ZMYM1: variants seen among roughly 807,000 people sequenced by gnomAD.
ZMYM1 encodes the protein zinc finger MYM-type containing 1, also known as zinc finger MYM-type protein 1.
In ZMYM1, 39 loss-of-function variants were observed where a neutral mutation model predicts 60.0. That is an observed-to-expected ratio of 0.65 (90% CI 0.50 to 0.85). The LOEUF is 0.85. ZMYM1 is among the 40% of genes least tolerant of loss of function. The pLI is 0.00. For missense variants in ZMYM1, 1,171 were observed against 1,309.5 expected (o/e 0.89, Z 1.63); for synonymous variants, 413 against 454.0 (o/e 0.91, Z 1.15).
chr1:35,093,985 A>G lies in ZMYM1; in HGVS notation c.-3A>G, dbSNP rs1380290991. On this transcript the variant is annotated 5_prime_UTR_variant, in exon 2 of 10. Coordinates refer to ENST00000359858, the MANE Select transcript of ZMYM1 (RefSeq NM_024772.5). Reference sequence around the variant, plus strand: ...GGAGAATTCCTTTGCATCAGATACTAAAATGAAAGAACCACTTTTAGGTGG... The same window carrying G: ...GGAGAATTCCTTTGCATCAGATACTGAAATGAAAGAACCACTTTTAGGTGG... 1 of 1,593,190 alleles carries G rather than the reference A, an allele frequency of 6.3e-7. No individual in the cohort carries two copies. Among genetic ancestry groups the G allele is most frequent in the Non-Finnish European group, 8.5e-7 (1 of 1,170,354 alleles).
At chr1:35,093,698 T>C (rs1258550590) in intron 1 of ZMYM1, among the ~76,000 whole-genome samples, 2 of 152,166 alleles carry the variant, frequency 1.3e-5, no homozygotes, top group Non-Finnish European at 2.9e-5. Flanking sequence ...ACGGAGACTA[T>C]TTCCAGAAGA....
rs1553141758 is a variant in ZMYM1, at chr1:35,097,295, T to C, written c.170-22T>C. 3.2e-6 allele frequency: 5 copies of C among 1,550,386 alleles called. No individual in the cohort carries two copies. In the South Asian group the frequency reaches 3.7e-5, roughly 12 times the overall value. On this transcript the variant is annotated intron_variant, in intron 3 of 9. Coordinates refer to ENST00000359858, the MANE Select transcript of ZMYM1 (RefSeq NM_024772.5). Reference sequence around the variant, plus strand: ...TTTTGTGTAAATAACAATTTTTTTTTCTCCCTCTTGTGTTTTTATAGCTTC... The same window carrying C: ...TTTTGTGTAAATAACAATTTTTTTTCCTCCCTCTTGTGTTTTTATAGCTTC...
At chr1:35,064,779 C>T (rs996751639) in intron 1 of ZMYM1, among the ~76,000 whole-genome samples, 6 of 150,346 alleles carry the variant, frequency 4.0e-5, no homozygotes, top group African/African-American at 1.2e-4. Flanking sequence ...CTCCACCTCC[C>T]GGGTTCACGC....
upstream of ZMYM1, among the ~76,000 whole-genome samples, chr1:35,075,590 T>C (rs139241806): frequency 0.02 from 2,978 of 152,172 alleles, 160 homozygotes; most frequent in Admixed American, 0.11. Context: ...TTGTAGAGGC[T>C]GCCCCCTTGC....
chr1:35,104,872 G>A (rs369980694), intron 6 of ZMYM1, 103 bp downstream of exon 6: 32 of 863,132 alleles, frequency 3.7e-5, no homozygotes, highest in East Asian at 2.9e-4. Context: ...GAATAATGTC[G>A]ATAAGTTGAT....
rs759958889 is a variant in ZMYM1, at chr1:35,073,338, A to AAAGAAAGGAAGGAAGG, written c.-300-5653_-300-5652insAAAGGAAGGAAGGAAG. ...GAAAAAAAGAAAGGGAGAAAGAAAG[A>AAAGAAAGGAAGGAAGG]AAGGAAGGAAGGAAGGAAGGAAGGA... On this transcript the variant is annotated intron_variant, in intron 1 of 10. Coordinates refer to the ZMYM1 transcript ENST00000417119. Among the ~76,000 whole-genome samples, 951 of 115,748 alleles carry AAAGAAAGGAAGGAAGG rather than the reference A, an allele frequency of 8.2e-3. 15 individuals carry two copies. The highest frequency in any genetic ancestry group is 0.029 in the African/African-American group (836 of 28,566). The allele number at this position is 115,748 out of a possible 152,430, so 75.9% of individuals were successfully genotyped here.
chr1:35,060,936 G>A (rs1255515898), intron 1 of ZMYM1, among the ~76,000 whole-genome samples: 4 of 152,202 alleles, frequency 2.6e-5, no homozygotes, highest in African/African-American at 4.8e-5. Flanking sequence ...AACCCAGGAG[G>A]CAGTCCCAAG....
chr1:35,088,450 ATATATGTGTG>A (rs1174826463), intron 1 of ZMYM1, among the ~76,000 whole-genome samples: 93 of 103,994 alleles, frequency 8.9e-4, no homozygotes, highest in African/African-American at 2.8e-3. Flanking sequence ...ATATATATAT[ATATATGTGTG>A]TGTGTGTGTG....
rs1643814861 is a variant in ZMYM1, at chr1:35,104,446, A to G, written c.571A>G (p.Ser191Gly). 1.2e-6 allele frequency: 2 copies of G among 1,610,606 alleles called. No individual in the cohort carries two copies. The highest frequency in any genetic ancestry group is 2.7e-5 in the African/African-American group (2 of 74,894). The change falls in exon 5 of 10, where the codon AGC becomes GGC. Residue 191 changes from serine (S) to glycine (G), a missense_variant. Physicochemically the swap from Ser to Gly is moderately conservative, Grantham distance 56. Coordinates refer to ENST00000359858, the MANE Select transcript of ZMYM1 (RefSeq NM_024772.5). ...TACTAATAGCATTTTGACCAAGTGC[A>G]GCATGTGCCAGAAGACTGCTATTGT... ...ICTNSILTKC[S>G]MCQKTAIIQY...
intron 6 of ZMYM1, among the ~76,000 whole-genome samples, chr1:35,106,608 CA>C (rs752085700): frequency 0.14 from 5,446 of 38,898 alleles, 33 homozygotes; most frequent in East Asian, 0.35. Flanking sequence ...GACTCCGTCT[CA>C]AAAAAAAAAA....
rs200627689 is a variant in ZMYM1 at position 35,061,820 on chromosome 1, TTTTA to T, written c.-301+1919_-301+1922del. On this transcript the variant is annotated intron_variant, in intron 1 of 10. Coordinates refer to the ZMYM1 transcript ENST00000417119. ...TATAGACATCTTATTTCCCTTTTAT[TTTTA>T]TTTATTTATTTATTTATTTATTTGA... is the stretch of plus-strand genomic sequence containing the variant. Among the ~76,000 whole-genome samples, 129 of 145,636 alleles carry T rather than the reference TTTTA, an allele frequency of 8.9e-4. 1 individual carries two copies. The highest frequency in any genetic ancestry group is 2.1e-3 in the Admixed American group (31 of 14,794).
chr1:35,091,916 A>C (rs928398665), intron 1 of ZMYM1, among the ~76,000 whole-genome samples: 1 of 151,516 alleles, frequency 6.6e-6, no homozygotes, highest in African/African-American at 2.4e-5. Flanking sequence ...AAAAGAGAAA[A>C]AGACTTGGTT....
Position 35,104,781 on chromosome 1 carries a change from G to T in ZMYM1, c.807+12G>T. The T allele has an allele frequency of 6.3e-7, 1 of 1,596,354 alleles. No individual in the cohort carries two copies. The highest frequency in any genetic ancestry group is 8.6e-7 in the Non-Finnish European group (1 of 1,165,312). On this transcript the variant is annotated intron_variant, in intron 6 of 9. Coordinates refer to ENST00000359858, the MANE Select transcript of ZMYM1 (RefSeq NM_024772.5). ...CAGCATATAAGCAGGTATGAATAAAGACCTATTGTTTCTTCTATTAACTGG... is the reference window on the plus strand; with the variant it reads ...CAGCATATAAGCAGGTATGAATAAATACCTATTGTTTCTTCTATTAACTGG...
intron 4 of ZMYM1, among the ~76,000 whole-genome samples, chr1:35,103,501 C>T (rs557017609): frequency 1.3e-5 from 2 of 152,176 alleles, no homozygotes; most frequent in Non-Finnish European, 2.9e-5. Context: ...TGTTAATAGG[C>T]GAATAATATT....
intron 7 of ZMYM1, among the ~76,000 whole-genome samples, 191 bp from the exon 8 acceptor site, chr1:35,111,581 G>A (rs1250383873): frequency 1.3e-5 from 2 of 152,160 alleles, no homozygotes; most frequent in Non-Finnish European, 2.9e-5. Context: ...AATTTTCAGT[G>A]TAATGTTGTA....
At chr1:35,096,360 C>G (rs1432581968) in intron 3 of ZMYM1, among the ~76,000 whole-genome samples, 2 of 150,948 alleles carry the variant, frequency 1.3e-5, no homozygotes, top group African/African-American at 4.9e-5. Context: ...CATGGTGCCT[C>G]ATGCCTGTAA....
In ZMYM1 at chr1:35,090,627, A is replaced by C. The variant is rs570156748; in HGVS notation, c.-74-3287A>C. Among the ~76,000 whole-genome samples the C allele has an allele frequency of 1.6e-4, 25 of 152,342 alleles. No homozygotes were observed. In the South Asian group the frequency reaches 4.1e-3, roughly 25 times the overall value. ...ATTTGGATAGTGAGGAGAAGCAGGC[A>C]GGCATGTGTGATGGGAAAATAGACT... On this transcript the variant is annotated intron_variant, in intron 1 of 9. Transcript: ENST00000359858.
chr1:35,077,076 T>C (rs1033420599), upstream of ZMYM1, among the ~76,000 whole-genome samples: 1 of 152,282 alleles, frequency 6.6e-6, no homozygotes, highest in Non-Finnish European at 1.5e-5. Flanking sequence ...CGCATGAAAC[T>C]TGTGACCTAC....
chr1:35,116,892 G>A (rs1309701512), downstream of ZMYM1, among the ~76,000 whole-genome samples: 30 of 131,546 alleles, frequency 2.3e-4, no homozygotes, highest in East Asian at 5.0e-4. Context: ...CGCCCAGGCG[G>A]GAGTGCTGTG....
Sources: allele counts gnomAD v4.1 joint callset (sites outside exome capture counted in the v4.1 genomes callset), GRCh38; gene constraint gnomAD v4.1.1; transcripts MANE v1.5; gene names NCBI Gene and HGNC (gene_info 2026-07-23, HGNC 2026-07-21).